Variants in DGKB observed in about 807,000 individuals in gnomAD.
DGKB encodes the protein 90 kDa diacylglycerol kinase.
Under a neutral mutation model 114.3 loss-of-function variants are expected in DGKB, and 67 were observed. That is an observed-to-expected ratio of 0.59 (90% CI 0.48 to 0.72). The LOEUF (loss-of-function observed/expected upper bound fraction) is 0.72. Ranked by LOEUF, DGKB falls within the 30% of genes least tolerant of loss-of-function variation. The pLI is 0.00. For synonymous variants in DGKB, 398 were observed against 323.1 expected (o/e 1.23, Z -2.49); for missense variants, 907 against 975.2 (o/e 0.93, Z 0.93).
At chr7:14,930,952 T>G (rs1425716424) in intron 1 of DGKB, among the ~76,000 whole-genome samples, 2 of 152,188 alleles carry the variant, frequency 1.3e-5, no homozygotes, top group Non-Finnish European at 2.9e-5. Flanking sequence ...TTTCTTTGTC[T>G]ATTGAGATTA....
At position 14,667,050 on chromosome 7, in the gene DGKB, T is replaced by C. The variant is rs538155148; in HGVS notation, c.1134+5879A>G. ...GGCAACAGCCATTATCAAGGCCAATTATCTGTGAAAGCCGTTTGTAATGCA... is the reference window on the plus strand; with the variant it reads ...GGCAACAGCCATTATCAAGGCCAATCATCTGTGAAAGCCGTTTGTAATGCA... On this transcript the variant is annotated intron_variant, in intron 13 of 25. Coordinates refer to ENST00000402815, the MANE Select transcript of DGKB (RefSeq NM_001350709.2). 3.9e-4 allele frequency among the ~76,000 whole-genome samples: 59 copies of C among 152,138 alleles called. 1 individual carries two copies. The highest frequency in any genetic ancestry group is 1.3e-3 in the African/African-American group (56 of 41,548).
At chr7:14,174,114 C>T (rs559369541) in intron 25 of DGKB, among the ~76,000 whole-genome samples, 14 of 152,082 alleles carry the variant, frequency 9.2e-5, no homozygotes, top group South Asian at 4.1e-4. Flanking sequence ...AAAGGTAGTC[C>T]GTCATTTACC....
chr7:14,719,092 C>T (rs990432450), intron 5 of DGKB, among the ~76,000 whole-genome samples: 2 of 152,136 alleles, frequency 1.3e-5, no homozygotes, highest in Non-Finnish European at 2.9e-5. Flanking sequence ...AAATGTCAGT[C>T]TTTCACAATA....
chr7:14,446,631 A>G (rs1830758546), intron 21 of DGKB, among the ~76,000 whole-genome samples: 1 of 152,162 alleles, frequency 6.6e-6, no homozygotes, highest in Non-Finnish European at 1.5e-5. Flanking sequence ...ATGTTTTCTG[A>G]GCTTTCTCTA....
In DGKB at chr7:14,777,434, C is replaced by G. The variant is rs150590311; in HGVS notation, c.71-19703G>C. Among the ~76,000 whole-genome samples the G allele has an allele frequency of 3.4e-3, 524 of 152,232 alleles. 9 individuals carry two copies. Among genetic ancestry groups the G allele is most frequent in the Admixed American group, 0.025 (377 of 15,288 alleles). On this transcript the variant is annotated intron_variant, in intron 2 of 25. Coordinates refer to ENST00000402815, the MANE Select transcript of DGKB (RefSeq NM_001350709.2). ...TGAATTGTAGTTTCCATAATCCCCA[C>G]ATGTCATGGGAGGGACCTGGTGGGA...
At chr7:14,921,269 A>G (rs1488710294) in intron 1 of DGKB, among the ~76,000 whole-genome samples, 1 of 152,176 alleles carries the variant, frequency 6.6e-6, no homozygotes, top group Non-Finnish European at 1.5e-5. Context: ...TTGTGCCAAT[A>G]TTCGTTCATT....
intron 9 of DGKB, among the ~76,000 whole-genome samples, chr7:14,687,208 C>G (rs1821860619): frequency 1.3e-5 from 2 of 152,076 alleles, no homozygotes. Context: ...TTGTCTCTGA[C>G]TCAGGAGTCT....
At chr7:14,665,537 A>C (rs1817882991) in intron 13 of DGKB, among the ~76,000 whole-genome samples, 1 of 152,222 alleles carries the variant, frequency 6.6e-6, no homozygotes, top group African/African-American at 2.4e-5. Context: ...AAAATAAGGA[A>C]TATTGTTTCT....
chr7:14,858,035 G>A (rs1267676414), intron 1 of DGKB, among the ~76,000 whole-genome samples: 1 of 152,066 alleles, frequency 6.6e-6, no homozygotes, highest in African/African-American at 2.4e-5. Flanking sequence ...CATTATTAAG[G>A]CTTATATTCC....
chr7:14,214,822 C>A (rs1185305513), intron 23 of DGKB, among the ~76,000 whole-genome samples: 1 of 152,120 alleles, frequency 6.6e-6, no homozygotes, highest in Non-Finnish European at 1.5e-5. Context: ...AAGCTAATTT[C>A]AAATGAATAA....
At chr7:14,367,201 T>C (rs1228477828) in intron 21 of DGKB, among the ~76,000 whole-genome samples, 1 of 152,066 alleles carries the variant, frequency 6.6e-6, no homozygotes, top group African/African-American at 2.4e-5. Flanking sequence ...TGTAGGCTAA[T>C]GTAAGTGTTC....
At chr7:14,937,265 T>G (rs978031541) in intron 1 of DGKB, among the ~76,000 whole-genome samples, 1 of 152,018 alleles carries the variant, frequency 6.6e-6, no homozygotes, top group Non-Finnish European at 1.5e-5. Flanking sequence ...GTATTCAAAT[T>G]CTGATTTATA....
chr7:14,943,890 ATTTTC>A (rs1034559960), intron 1 of DGKB, among the ~76,000 whole-genome samples: 16 of 151,826 alleles, frequency 1.1e-4, no homozygotes, highest in Non-Finnish European at 8.8e-5. Flanking sequence ...ACAACTCCTT[ATTTTC>A]TTTTAAGGTT....
intron 12 of DGKB, among the ~76,000 whole-genome samples, chr7:14,680,489 G>T (rs543603402): frequency 2.6e-5 from 4 of 151,960 alleles, no homozygotes; most frequent in Admixed American, 1.3e-4. Flanking sequence ...CAAGACCAAA[G>T]AAAAATGAAT....
chr7:14,177,233 A>G (rs1056658882), intron 24 of DGKB, among the ~76,000 whole-genome samples: 1 of 152,084 alleles, frequency 6.6e-6, no homozygotes, highest in Non-Finnish European at 1.5e-5. Flanking sequence ...TACATTGCAA[A>G]CTGGGAGAAA....
At chr7:14,666,393 T>A (rs1456819246) in intron 13 of DGKB, among the ~76,000 whole-genome samples, 1 of 151,926 alleles carries the variant, frequency 6.6e-6, no homozygotes, top group Non-Finnish European at 1.5e-5. Flanking sequence ...AATTAGAACA[T>A]AGAAGAGTGA....
At chr7:14,946,028 A>G (rs1177628683) in intron 1 of DGKB, among the ~76,000 whole-genome samples, 1 of 151,386 alleles carries the variant, frequency 6.6e-6, no homozygotes, top group African/African-American at 2.4e-5. Flanking sequence ...CTCAAAATGA[A>G]TATATATTAA....
intron 9 of DGKB, among the ~76,000 whole-genome samples, chr7:14,686,190 T>C (rs1440053476): frequency 2.4e-4 from 36 of 152,258 alleles, no homozygotes; most frequent in Non-Finnish European, 2.9e-5. Flanking sequence ...TTTTTTTCTC[T>C]TCTCAGTAAA....
rs1037237644 is a variant in DGKB at position 14,782,826 on chromosome 7, A to ATT, written c.71-25097_71-25096dup. ...GATTGTACCTCAGTTTGCTCACATG[A>ATT]TTATATATATATATATATTTTTAAG... is the stretch of plus-strand genomic sequence containing the variant. On this transcript the variant is annotated intron_variant, in intron 2 of 25. Transcript: ENST00000402815. Among the ~76,000 whole-genome samples the ATT allele has an allele frequency of 5.9e-5, 9 of 151,934 alleles. No homozygotes were observed. The South Asian group carries it at 6.2e-4, about 11-fold the overall frequency.
Sources: allele counts gnomAD v4.1 joint callset (sites outside exome capture counted in the v4.1 genomes callset), GRCh38; gene constraint gnomAD v4.1.1; transcripts MANE v1.5; gene names NCBI Gene and HGNC (gene_info 2026-07-23, HGNC 2026-07-21).